The following DAPK1 variants were observed in gnomAD, a reference collection of about 807,000 sequenced individuals.
The protein encoded by DAPK1 is death-associated protein kinase 1.
Under a neutral mutation model 144.9 loss-of-function variants are expected in DAPK1, and 56 were observed. That is an observed-to-expected ratio of 0.39 (90% CI 0.31 to 0.48). The LOEUF is 0.48. Among genes scored for constraint, DAPK1 ranks in the 20% least tolerant of loss-of-function variants. The pLI, the probability that DAPK1 is intolerant of heterozygous loss-of-function variation, is 0.95. For synonymous variants in DAPK1, 690 were observed against 749.0 expected (o/e 0.92, Z 1.29); for missense variants, 1,454 against 1,875.4 (o/e 0.78, Z 4.15).
intron 16 of DAPK1, among the ~76,000 whole-genome samples, chr9:87,650,868 C>G (rs948855203): frequency 1.3e-5 from 2 of 152,150 alleles, no homozygotes; most frequent in African/African-American, 2.4e-5. Context: ...GCAGCCCCCT[C>G]GACAGAGAAT....
In DAPK1 at chr9:87,605,173, A is replaced by C; in HGVS notation, c.282A>C (p.Glu94Asp). 1 of 1,611,810 alleles carries C rather than the reference A, an allele frequency of 6.2e-7. No individual in the cohort carries two copies. The highest frequency in any genetic ancestry group is 8.5e-7 in the Non-Finnish European group (1 of 1,178,032). ...ENKTDVILIL[E>D]LVAGGELFDF... ...AGACGGACGTCATCCTGATCTTGGA[A>C]CTGTGAGTGCCGCCTGGGCCAGGCT... Residue 94 changes from glutamate to aspartate, a missense_variant and splice_region_variant, in exon 3 of 26, where the codon GAA becomes GAC. By Grantham distance (45) the Glu-to-Asp change is conservative. Coordinates refer to ENST00000408954, the MANE Select transcript of DAPK1 (RefSeq NM_004938.4).
chr9:87,632,998 A>G (rs1262738880), intron 3 of DAPK1: 1 of 981,326 alleles, frequency 1.0e-6, no homozygotes, highest in Non-Finnish European at 1.2e-6. Flanking sequence ...AGATGAGTAT[A>G]CATTAGGGAT....
At chr9:87,696,644 A>G (rs142087145) in intron 21 of DAPK1, among the ~76,000 whole-genome samples, 1 of 152,230 alleles carries the variant, frequency 6.6e-6, no homozygotes, top group East Asian at 1.9e-4. Context: ...CTTTACATCA[A>G]TCCACGTTCT....
chr9:87,681,371 G>A, intron 19 of DAPK1, 33 bp from the exon 20 acceptor site: 1 of 1,162,952 alleles, frequency 8.6e-7, no homozygotes, highest in Non-Finnish European at 1.3e-6. Context: ...CTCTTTTTCT[G>A]TCACTCACTG....
intron 2 of DAPK1, among the ~76,000 whole-genome samples, chr9:87,504,405 G>A (rs1348259559): frequency 6.6e-6 from 1 of 152,214 alleles, no homozygotes; most frequent in African/African-American, 2.4e-5. Context: ...CACTGGGAGT[G>A]TGTTGCTGGA....
intron 18 of DAPK1, among the ~76,000 whole-genome samples, chr9:87,666,685 G>A (rs1831066589): frequency 6.6e-6 from 1 of 151,952 alleles, no homozygotes; most frequent in Non-Finnish European, 1.5e-5. Context: ...TGTTGGGCAG[G>A]CTGGTCTCAA....
chr9:87,613,257 G>A (rs940727646), intron 3 of DAPK1, among the ~76,000 whole-genome samples: 1 of 152,164 alleles, frequency 6.6e-6, no homozygotes, highest in Non-Finnish European at 1.5e-5. Flanking sequence ...ATTTTTAAGT[G>A]CACAGTACAG....
chr9:87,570,977 A>G (rs1827309014), intron 2 of DAPK1, among the ~76,000 whole-genome samples: 1 of 152,214 alleles, frequency 6.6e-6, no homozygotes, highest in South Asian at 2.1e-4. Flanking sequence ...GGCTGATAGA[A>G]AAGTCACTTG....
Position 87,707,159 on chromosome 9 carries a change from G to A in DAPK1, c.4088G>A (p.Arg1363Gln), listed in dbSNP as rs761921766. The change falls in exon 26 of 26, where the codon CGG (arginine) becomes CAG (glutamine). Residue 1363 changes from arginine to glutamine, a missense_variant. Physicochemically the swap from Arg to Gln is conservative, Grantham distance 43. Transcript: ENST00000408954. This position sits in a 1 kb window ranked among gnomAD's most constrained non-coding sequence, Gnocchi z 4.0. ...CCCAGCCCCCTCCACGCCCTGCTGC[G>A]GGAATGGACCACCTACCCTGAGAGC... The part of the protein sequence containing the change: ...FLPSPLHALL[R>Q]EWTTYPESTV... 7.4e-6 allele frequency: 12 copies of A among 1,613,578 alleles called. No individual in the cohort carries two copies. Among genetic ancestry groups the A allele is most frequent in the Middle Eastern group, 3.3e-4 (2 of 6,082 alleles).
intron 17 of DAPK1, among the ~76,000 whole-genome samples, chr9:87,651,969 C>A (rs1830459127): frequency 7.4e-6 from 1 of 134,644 alleles, no homozygotes; most frequent in Non-Finnish European, 1.6e-5. Context: ...TGTGTCCTCC[C>A]ACCTGATCCC....
At chr9:87,579,613 G>T (rs1420996011) in intron 2 of DAPK1, among the ~76,000 whole-genome samples, 1 of 152,156 alleles carries the variant, frequency 6.6e-6, no homozygotes, top group Non-Finnish European at 1.5e-5. Context: ...AGGTAGAAAA[G>T]CTGGGAAGGA....
At chr9:87,566,768 C>T (rs1239866285) in intron 2 of DAPK1, among the ~76,000 whole-genome samples, 1 of 152,180 alleles carries the variant, frequency 6.6e-6, no homozygotes, top group Non-Finnish European at 1.5e-5. Flanking sequence ...TGGTTGGACT[C>T]TTGGAAGGAT....
chr9:87,564,314 C>A (rs1337300876), intron 2 of DAPK1, among the ~76,000 whole-genome samples: 1 of 152,116 alleles, frequency 6.6e-6, no homozygotes, highest in East Asian at 1.9e-4. Flanking sequence ...GTATGGCTGA[C>A]CAGTCCTGGC....
At chr9:87,508,467 C>T (rs908682605) in intron 2 of DAPK1, among the ~76,000 whole-genome samples, 2 of 151,182 alleles carry the variant, frequency 1.3e-5, no homozygotes, top group Non-Finnish European at 3.0e-5. Flanking sequence ...CTCAGCCTCC[C>T]GAGTAGCTGG....
chr9:87,706,990 C>T lies in DAPK1; in HGVS notation c.3919C>T (p.Leu1307Phe), dbSNP rs1825666392. ...GGACATCCATGCATCAGACCTGAACCTCCTCACTCGGAGGAAACTGAGTCG... is the reference window on the plus strand; with the variant it reads ...GGACATCCATGCATCAGACCTGAACTTCCTCACTCGGAGGAAACTGAGTCG... ...GMDIHASDLN[L>F]LTRRKLSRLL... The change falls in exon 26 of 26, where the codon CTC (leucine) becomes TTC (phenylalanine). Residue 1307 changes from leucine (L) to phenylalanine (F), a missense_variant. Leu to Phe is a conservative substitution (Grantham distance 22). Coordinates refer to ENST00000408954, the MANE Select transcript of DAPK1 (RefSeq NM_004938.4). This position sits in a 1 kb window ranked among gnomAD's most constrained non-coding sequence, Gnocchi z 9.0. 6.2e-7 allele frequency: 1 copy of T among 1,613,466 alleles called. No homozygotes were observed. The highest frequency in any genetic ancestry group is 1.3e-5 in the African/African-American group (1 of 74,938).
rs370713535 is a variant in DAPK1, at chr9:87,703,073, G to A, written c.2916G>A (p.Thr972=). ...ACCTGTGTGAGAAAATCATCTCCAC[G>A]CTGCCTTCCTGGAGGAAGCTCAATG... ...MTHLCEKIIS[T]LPSWRKLNGP... Residue 972 remains threonine (T), a synonymous_variant, in exon 25 of 26, where the codon ACG becomes ACA. Transcript: ENST00000408954. The A allele has an allele frequency of 1.3e-3, 2,143 of 1,601,104 alleles. 42 individuals are homozygous for A. The South Asian group carries it at 0.022, about 16-fold the overall frequency.
chr9:87,586,159 G>A (rs1827936156), intron 2 of DAPK1, among the ~76,000 whole-genome samples: 1 of 152,048 alleles, frequency 6.6e-6, no homozygotes, highest in Admixed American at 6.6e-5. Context: ...ATGATGGCGT[G>A]TACCTGTAAT....
At chr9:87,651,424 T>C (rs1830438744) in intron 16 of DAPK1, 103 bp from the exon 17 acceptor site, 4 of 1,119,078 alleles carry the variant, frequency 3.6e-6, no homozygotes, top group Non-Finnish European at 5.4e-6. Flanking sequence ...AGTAGTGATC[T>C]TGTTGCCAAT....
chr9:87,541,279 G>A lies in DAPK1; in HGVS notation c.62+42140G>A, dbSNP rs144560498. On this transcript the variant is annotated intron_variant, in intron 2 of 25. Transcript: ENST00000408954. ...AGAATGATGGAGGGCCTGGCATGGC[G>A]GCTCACACCTGTAACACCAGCACTT... Among the ~76,000 whole-genome samples the A allele has an allele frequency of 9.7e-4, 147 of 152,260 alleles. 1 individual carries two copies. Among genetic ancestry groups the A allele is most frequent in the African/African-American group, 3.4e-3 (143 of 41,546 alleles).
Sources: gnomAD v4.1 joint callset for allele counts (sites outside exome capture counted in the v4.1 genomes callset) on GRCh38, gnomAD v4.1.1 for gene constraint, Gnocchi (gnomAD v3.1) non-coding constraint, MANE v1.5 for transcripts, NCBI Gene and HGNC (gene_info 2026-07-23, HGNC 2026-07-21) for gene names.